TANGO6: variants seen among roughly 807,000 people sequenced by gnomAD.
The protein encoded by TANGO6 is transport and golgi organization 6 homolog, also known as transport and Golgi organization protein 6 homolog.
A neutral mutation model predicts 114.2 loss-of-function variants in TANGO6; 90 were observed. That is an observed-to-expected ratio of 0.79 (90% CI 0.66 to 0.94). TANGO6 has a LOEUF of 0.94. Among genes scored for constraint, TANGO6 ranks in the 40% least tolerant of loss-of-function variants. The probability of loss-of-function intolerance (pLI) is 0.00; values close to 1 mark genes in which losing one functional copy is unlikely to be tolerated. For synonymous variants in TANGO6, 477 were observed against 509.8 expected (o/e 0.94, Z 0.87); for missense variants, 1,274 against 1,315.3 (o/e 0.97, Z 0.49).
At chr16:69,008,979 A>T (rs1222743611) in intron 15 of TANGO6, among the ~76,000 whole-genome samples, 1 of 149,922 alleles carries the variant, frequency 6.7e-6, no homozygotes, top group Non-Finnish European at 1.5e-5. Context: ...AGGGGTTTTC[A>T]TGTGGCTATC....
chr16:69,079,602 A>G (rs1313200106), intron 17 of TANGO6, among the ~76,000 whole-genome samples: 1 of 152,102 alleles, frequency 6.6e-6, no homozygotes. Context: ...TTTACGAATC[A>G]TTAAGGAGAA....
chr16:69,046,611 C>T (rs1296935200), intron 17 of TANGO6, among the ~76,000 whole-genome samples: 1 of 151,964 alleles, frequency 6.6e-6, no homozygotes, highest in Non-Finnish European at 1.5e-5. Context: ...TGAGCCACCG[C>T]ACCTGGCCAG....
intron 12 of TANGO6, among the ~76,000 whole-genome samples, chr16:68,926,481 G>A (rs1232459526): frequency 4.6e-5 from 7 of 151,646 alleles, no homozygotes; most frequent in African/African-American, 1.2e-4. Flanking sequence ...GCAGCAGAGC[G>A]AGACTCCGTT....
chr16:68,957,245 A>T (rs979307811), intron 14 of TANGO6, among the ~76,000 whole-genome samples: 2 of 152,082 alleles, frequency 1.3e-5, no homozygotes, highest in African/African-American at 4.8e-5. Context: ...TGTATTGATA[A>T]TGTAGTCATT....
chr16:68,853,471 T>G (rs535873076), intron 1 of TANGO6, among the ~76,000 whole-genome samples: 7 of 152,324 alleles, frequency 4.6e-5, no homozygotes, highest in Admixed American at 3.9e-4. Context: ...AGATAACTGG[T>G]TCTAGGTTTT....
chr16:68,917,724 G>A (rs557300083), intron 11 of TANGO6, among the ~76,000 whole-genome samples: 1 of 152,102 alleles, frequency 6.6e-6, no homozygotes, highest in South Asian at 2.1e-4. Context: ...TTGGTGAGAT[G>A]TCGGTTCAGG....
chr16:68,863,004 A>G lies in TANGO6; in HGVS notation c.795A>G (p.Gln265=), dbSNP rs758275395. 10 of 1,601,132 alleles carry G rather than the reference A, an allele frequency of 6.2e-6. No individual in the cohort carries two copies. Among genetic ancestry groups the G allele is most frequent in the Middle Eastern group, 1.7e-4 (1 of 6,054 alleles). The change falls in exon 3 of 18, where the codon CAA becomes CAG. Residue 265 remains glutamine, a synonymous_variant. Coordinates refer to ENST00000261778, the MANE Select transcript of TANGO6 (RefSeq NM_024562.2). ...GGGCCTTGAGAGACATGCTGGATCA[A>G]GTCTATCAGCCCTTAGCAGTCCGGG... The part of the protein sequence containing the change: ...SRGALRDMLD[Q]VYQPLAVREL...
intron 17 of TANGO6, among the ~76,000 whole-genome samples, chr16:69,051,360 A>G (rs553420142): frequency 2.0e-5 from 3 of 152,118 alleles, no homozygotes; most frequent in East Asian, 3.9e-4. Flanking sequence ...CCTGGCCAAC[A>G]TGATGAAACC....
intron 9 of TANGO6, among the ~76,000 whole-genome samples, chr16:68,903,162 G>T (rs1367318638): frequency 6.6e-6 from 1 of 152,142 alleles, no homozygotes; most frequent in Non-Finnish European, 1.5e-5. Flanking sequence ...GCTGCTGTTT[G>T]TTGAAGTGTT....
intron 12 of TANGO6, among the ~76,000 whole-genome samples, chr16:68,922,446 G>T (rs150722468): frequency 3.5e-4 from 54 of 152,128 alleles, no homozygotes; most frequent in African/African-American, 1.2e-3. Flanking sequence ...TGAGGCAGGA[G>T]AATCGCTTGA....
At chr16:68,902,816 A>G (rs765506160) in intron 9 of TANGO6, among the ~76,000 whole-genome samples, 1 of 152,194 alleles carries the variant, frequency 6.6e-6, no homozygotes. Flanking sequence ...CCTTAACACC[A>G]TAATAATCCA....
chr16:69,006,224 A>G (rs1388762491), intron 15 of TANGO6, among the ~76,000 whole-genome samples: 2 of 151,998 alleles, frequency 1.3e-5, no homozygotes, highest in African/African-American at 2.4e-5. Flanking sequence ...GTTTGAGGGG[A>G]GCAAGGATTG....
chr16:68,902,567 G>A, intron 9 of TANGO6, 63 bp downstream of exon 9: 2 of 1,420,842 alleles, frequency 1.4e-6, no homozygotes, highest in Non-Finnish European at 1.9e-6. Flanking sequence ...GCCATTCAGT[G>A]ATTCAACCAC....
At chr16:68,843,832 C>A in intron 1 of TANGO6, 121 bp downstream of exon 1, 1 of 888,224 alleles carries the variant, frequency 1.1e-6, no homozygotes, top group Non-Finnish European at 1.8e-6. Flanking sequence ...CCTCCGCCCG[C>A]TGCTGGGGGC....
Position 68,882,268 on chromosome 16 carries a change from G to A in TANGO6, c.1377+1638G>A, listed in dbSNP as rs533321944. Among the ~76,000 whole-genome samples the A allele has an allele frequency of 1.7e-4, 26 of 152,076 alleles. No homozygotes were observed. The South Asian group carries it at 4.4e-3, about 26-fold the overall frequency. On this transcript the variant is annotated intron_variant, in intron 7 of 17. Coordinates refer to ENST00000261778, the MANE Select transcript of TANGO6 (RefSeq NM_024562.2). The stretch of plus-strand genomic sequence containing the variant: ...TCCCAGCACTATGGGAGGCCGAGGC[G>A]GGCAGATCACGAGGTCAGGAGATTG...
chr16:68,958,906 C>G (rs1389806046), intron 14 of TANGO6, among the ~76,000 whole-genome samples: 1 of 152,064 alleles, frequency 6.6e-6, no homozygotes, highest in Non-Finnish European at 1.5e-5. Context: ...CCACTGCACT[C>G]CAGTCTGGTT....
At chr16:68,909,184 A>C (rs1259198449) in intron 10 of TANGO6, 27 bp from the exon 11 acceptor site, 1 of 1,456,884 alleles carries the variant, frequency 6.9e-7, no homozygotes, top group Non-Finnish European at 9.1e-7. Flanking sequence ...CTTTATCTTC[A>C]CTTTTTCTTT....
At chr16:69,012,979 A>G (rs779026423) in intron 15 of TANGO6, among the ~76,000 whole-genome samples, 1 of 152,218 alleles carries the variant, frequency 6.6e-6, no homozygotes, top group Non-Finnish European at 1.5e-5. Flanking sequence ...TTTTGTTGCC[A>G]ATCAGAAACT....
At chr16:69,025,657 C>T (rs1039139951) in intron 16 of TANGO6, among the ~76,000 whole-genome samples, 1 of 152,176 alleles carries the variant, frequency 6.6e-6, no homozygotes, top group African/African-American at 2.4e-5. Flanking sequence ...GGGCTTTAAA[C>T]TGCCTTCAGC....
Sources: gnomAD v4.1 joint callset for allele counts (sites outside exome capture counted in the v4.1 genomes callset) on GRCh38, gnomAD v4.1.1 for gene constraint, MANE v1.5 for transcripts, NCBI Gene and HGNC (gene_info 2026-07-23, HGNC 2026-07-21) for gene names.